FRMD4B: variants seen among roughly 807,000 people sequenced by gnomAD.
The protein encoded by FRMD4B is FERM domain containing 4B, also known as FERM domain-containing protein 4B.
FRMD4B carries 74 observed loss-of-function variants against 141.5 expected under a neutral mutation model. The ratio of observed to expected loss-of-function variants is 0.52; its 90% confidence interval spans 0.43 to 0.63. The LOEUF (loss-of-function observed/expected upper bound fraction) is 0.63. Among genes scored for constraint, FRMD4B ranks in the 30% least tolerant of loss-of-function variants. The probability of loss-of-function intolerance (pLI) is 0.00; values close to 1 mark genes in which losing one functional copy is unlikely to be tolerated. For synonymous variants in FRMD4B, 506 were observed against 467.9 expected, an observed-to-expected ratio of 1.08 and a Z score of -1.05; for missense variants, 1,366 against 1,253.4, an observed-to-expected ratio of 1.09 and a Z score of -1.36.
At chr3:69,447,678 T>C (rs761780652) in intron 1 of FRMD4B, among the ~76,000 whole-genome samples, 1 of 152,188 alleles carries the variant, frequency 6.6e-6, no homozygotes, top group Non-Finnish European at 1.5e-5. Flanking sequence ...TTCCTTTATA[T>C]CCCTTTGTGC....
At chr3:69,418,822 A>ATGTGTGTGTG (rs147894176) in intron 2 of FRMD4B, among the ~76,000 whole-genome samples, 1 of 150,360 alleles carries the variant, frequency 6.7e-6, no homozygotes, top group Admixed American at 6.6e-5. Flanking sequence ...CATAGCAACT[A>ATGTGTGTGTG]TGTGTGTGTG....
intron 1 of FRMD4B, among the ~76,000 whole-genome samples, chr3:69,536,971 C>T (rs936209457): frequency 6.6e-6 from 1 of 152,142 alleles, no homozygotes; most frequent in Non-Finnish European, 1.5e-5. Context: ...TGGTCTTGAA[C>T]TCTTGGGCTC....
chr3:69,377,568 T>C (rs1704005022), intron 1 of FRMD4B, among the ~76,000 whole-genome samples: 1 of 152,138 alleles, frequency 6.6e-6, no homozygotes, highest in Admixed American at 6.5e-5. Context: ...AGCAGACAGA[T>C]CTCAAACCCG....
chr3:69,378,962 T>G (rs9840745), intron 1 of FRMD4B, among the ~76,000 whole-genome samples: 3 of 152,188 alleles, frequency 2.0e-5, no homozygotes, highest in African/African-American at 7.2e-5. Context: ...TTTTGCATTA[T>G]TCCTGTCTGG....
chr3:69,450,586 C>T (rs1705479927), intron 1 of FRMD4B, among the ~76,000 whole-genome samples: 1 of 152,184 alleles, frequency 6.6e-6, no homozygotes, highest in Non-Finnish European at 1.5e-5. Context: ...AACCCCGTCT[C>T]TACTGAAAAT....
rs546485301 is a variant in FRMD4B, at chr3:69,329,938, T to C, written c.163-16421A>G. Among the ~76,000 whole-genome samples the C allele has an allele frequency of 6.7e-4, 102 of 152,200 alleles. 2 individuals are homozygous for C. Among genetic ancestry groups the C allele is most frequent in the Admixed American group, 4.0e-3 (61 of 15,290 alleles). ...ACCTCCCAAACCTAAAAGTTAAAAA[T>C]AAATTTATTATTATACTTCAAGAAA... On this transcript the variant is annotated intron_variant, in intron 1 of 22. Coordinates refer to ENST00000398540, the MANE Select transcript of FRMD4B (RefSeq NM_015123.3).
At chr3:69,362,041 A>C (rs532020604) in intron 1 of FRMD4B, among the ~76,000 whole-genome samples, 12 of 152,308 alleles carry the variant, frequency 7.9e-5, no homozygotes, top group Admixed American at 5.2e-4. Context: ...TAGTTATTTT[A>C]GTGACTGTGA....
At chr3:69,195,388 G>A (rs978797935) in intron 14 of FRMD4B, 24 bp from the exon 15 acceptor site, 1 of 1,591,796 alleles carries the variant, frequency 6.3e-7, no homozygotes, top group African/African-American at 1.4e-5. Flanking sequence ...GAAGGGCAGG[G>A]AAGGTTTATA....
Position 69,189,898 on chromosome 3 carries a change from T to A in FRMD4B, c.1769A>T (p.Asp590Val). The part of the protein sequence containing the change: ...SSLSDTTTYD[D>V]PSDAFTFPGQ... ...CCAAAAAAGGAAGAGCCACTTACGA[T>A]CATCATAGGTGGTGGTGTCAGACAA... The change falls in exon 18 of 23, where the codon GAT (aspartate) becomes GTT (valine). Residue 590 changes from aspartate to valine, a missense_variant and splice_region_variant. By Grantham distance (152) the Asp-to-Val change is radical (BLOSUM62 -3). Transcript: ENST00000398540. The A allele has an allele frequency of 6.3e-7, 1 of 1,583,882 alleles. No individual in the cohort carries two copies. The highest frequency in any genetic ancestry group is 1.7e-4 in the Middle Eastern group (1 of 6,000).
At chr3:69,195,387 G>C (rs1463092462) in intron 14 of FRMD4B, 23 bp from the exon 15 acceptor site, 1 of 1,592,572 alleles carries the variant, frequency 6.3e-7, no homozygotes, top group Admixed American at 1.8e-5. Flanking sequence ...GGAAGGGCAG[G>C]GAAGGTTTAT....
upstream of FRMD4B, among the ~76,000 whole-genome samples, chr3:69,387,388 G>A (rs9872649): frequency 0.67 from 102,073 of 152,074 alleles, 34,414 homozygotes; most frequent in East Asian, 0.7. Context: ...AAGTGCTAGC[G>A]TTACAGACAT....
intron 1 of FRMD4B, 23 bp downstream of exon 1, chr3:69,385,805 G>A: frequency 6.6e-7 from 1 of 1,521,562 alleles, no homozygotes; most frequent in Non-Finnish European, 8.9e-7. Flanking sequence ...TGGGGCCCTC[G>A]GGTGCCGCGC....
At chr3:69,256,901 A>C (rs1377800905) in intron 5 of FRMD4B, among the ~76,000 whole-genome samples, 1 of 152,164 alleles carries the variant, frequency 6.6e-6, no homozygotes, top group Non-Finnish European at 1.5e-5. Flanking sequence ...TCAGTGATAT[A>C]ATGCCCATTC....
intron 3 of FRMD4B, chr3:69,306,744 T>C (rs1701406313): frequency 6.6e-6 from 1 of 152,158 alleles, no homozygotes; most frequent in Non-Finnish European, 1.5e-5. Flanking sequence ...TTGTAGACAG[T>C]AGCTACTTTC....
At chr3:69,475,694 T>G (rs917225442) in intron 1 of FRMD4B, among the ~76,000 whole-genome samples, 1 of 152,176 alleles carries the variant, frequency 6.6e-6, no homozygotes, top group Admixed American at 6.5e-5. Flanking sequence ...TATAGAAGCA[T>G]GATTTATAAT....
At chr3:69,520,606 C>G (rs1430281689) in intron 1 of FRMD4B, among the ~76,000 whole-genome samples, 1 of 151,696 alleles carries the variant, frequency 6.6e-6, no homozygotes, top group Non-Finnish European at 1.5e-5. Context: ...AGCTAACACC[C>G]AAGAAGAAAC....
At chr3:69,335,806 T>C (rs1409056139) in intron 1 of FRMD4B, among the ~76,000 whole-genome samples, 1 of 150,632 alleles carries the variant, frequency 6.6e-6, no homozygotes, top group African/African-American at 2.4e-5. Context: ...CACTTCAGTC[T>C]CTACCTCCTA....
intron 11 of FRMD4B, among the ~76,000 whole-genome samples, chr3:69,213,542 T>C (rs747948827): frequency 3.3e-5 from 5 of 152,120 alleles, no homozygotes; most frequent in Non-Finnish European, 5.9e-5. Context: ...TAATTAAGTA[T>C]TCCTTAAATT....
intron 11 of FRMD4B, among the ~76,000 whole-genome samples, chr3:69,213,973 C>T (rs542697752): frequency 1.4e-4 from 21 of 152,020 alleles, no homozygotes; most frequent in Admixed American, 2.6e-4. Context: ...CCACCACCCT[C>T]GGCCTTATCA....
Sources: gnomAD v4.1 joint callset for allele counts (sites outside exome capture counted in the v4.1 genomes callset) on GRCh38, gnomAD v4.1.1 for gene constraint, MANE v1.5 for transcripts, NCBI Gene and HGNC (gene_info 2026-07-23, HGNC 2026-07-21) for gene names.